The following AKT3 variants were observed in gnomAD, a reference collection of about 807,000 sequenced individuals.
The protein encoded by AKT3 is AKT serine/threonine kinase 3, also known as RAC-gamma serine/threonine-protein kinase.
A neutral mutation model predicts 65.3 loss-of-function variants in AKT3; 15 were observed. That is an observed-to-expected ratio of 0.23 (90% CI 0.15 to 0.35). The LOEUF (loss-of-function observed/expected upper bound fraction) is 0.35, where lower values mean the gene tolerates loss of function less well. AKT3 is among the 10% of genes least tolerant of loss of function. AKT3 has a pLI of 1.00. For missense variants in AKT3, 243 were observed against 576.5 expected (o/e 0.42, Z 5.92); for synonymous variants, 206 against 183.8 (o/e 1.12, Z -0.98).
intron 2 of AKT3, chr1:243,814,511 G>A (rs1441827688): frequency 6.6e-6 from 1 of 152,060 alleles, no homozygotes; most frequent in African/African-American, 2.4e-5. Flanking sequence ...ATGTTTAATA[G>A]AACACATATT....
At chr1:243,710,263 T>C (rs1358685244) in intron 2 of AKT3, among the ~76,000 whole-genome samples, 3 of 152,172 alleles carry the variant, frequency 2.0e-5, no homozygotes, top group Non-Finnish European at 2.9e-5. Flanking sequence ...ATATATTTCA[T>C]AGGCTATGGA....
chr1:243,671,640 G>A (rs1683163115), intron 3 of AKT3, among the ~76,000 whole-genome samples: 1 of 152,206 alleles, frequency 6.6e-6, no homozygotes, highest in Non-Finnish European at 1.5e-5. Flanking sequence ...TGAGGCAGGT[G>A]TCCTGGTAGA....
At chr1:243,766,326 G>A (rs1330972445) in intron 2 of AKT3, among the ~76,000 whole-genome samples, 2 of 152,174 alleles carry the variant, frequency 1.3e-5, no homozygotes, top group South Asian at 4.2e-4. Context: ...CCCAGGGGGA[G>A]AAAGAAAATA....
At chr1:243,783,511 G>T (rs1691043001) in intron 2 of AKT3, among the ~76,000 whole-genome samples, 1 of 152,096 alleles carries the variant, frequency 6.6e-6, no homozygotes, top group Admixed American at 6.6e-5. Flanking sequence ...AGGGAAAAAT[G>T]AGGAGTAAGA....
chr1:243,541,278 ACAAT>A (rs763397501), intron 12 of AKT3, among the ~76,000 whole-genome samples: 12 of 152,194 alleles, frequency 7.9e-5, no homozygotes, highest in Admixed American at 2.6e-4. Context: ...CTTTATTTAG[ACAAT>A]CAATCACTTA....
At chr1:243,597,247 C>G (rs773059040) in intron 8 of AKT3, among the ~76,000 whole-genome samples, 1 of 152,054 alleles carries the variant, frequency 6.6e-6, no homozygotes, top group Non-Finnish European at 1.5e-5. Flanking sequence ...TGAAAACAAC[C>G]TAAACGTTCA....
At chr1:243,846,071 C>T (rs1284351912) in intron 1 of AKT3, among the ~76,000 whole-genome samples, 1 of 152,106 alleles carries the variant, frequency 6.6e-6, no homozygotes, top group Non-Finnish European at 1.5e-5. Flanking sequence ...ATATAGATGG[C>T]ATCATAAGTG....
In AKT3 at chr1:243,517,597, A is replaced by G. The variant is rs372974457; in HGVS notation, c.1252-5171T>C. On this transcript the variant is annotated intron_variant, in intron 12 of 13. Transcript: ENST00000673466. ...TATTACTTGCTTTGAAATCTACTTC[A>G]TATGATTTAATATAGCACTCTAGTT... 3.6e-4 allele frequency among the ~76,000 whole-genome samples: 55 copies of G among 152,334 alleles called. 1 individual carries two copies. The highest frequency in any genetic ancestry group is 6.8e-3 in the Middle Eastern group (2 of 294).
intron 4 of AKT3, among the ~76,000 whole-genome samples, chr1:243,646,342 T>C (rs1372111223): frequency 6.6e-6 from 1 of 151,966 alleles, no homozygotes; most frequent in African/African-American, 2.4e-5. Flanking sequence ...TTTATTTGTC[T>C]GTACATATAT....
At chr1:243,551,025 G>A (rs547038523) in intron 11 of AKT3, among the ~76,000 whole-genome samples, 3 of 148,428 alleles carry the variant, frequency 2.0e-5, no homozygotes, top group African/African-American at 7.5e-5. Context: ...ACCTATCATC[G>A]GGTGCTGCTC....
At chr1:243,642,466 C>A (rs538600663) in intron 5 of AKT3, among the ~76,000 whole-genome samples, 1 of 152,134 alleles carries the variant, frequency 6.6e-6, no homozygotes, top group Non-Finnish European at 1.5e-5. Context: ...CCCGCCACCA[C>A]GCCTGGTTAA....
intron 2 of AKT3, among the ~76,000 whole-genome samples, chr1:243,716,661 AG>A (rs1686531180): frequency 6.6e-6 from 1 of 152,250 alleles, no homozygotes; most frequent in Admixed American, 6.5e-5. Flanking sequence ...TACCTAACAT[AG>A]AATTTTAAAT....
intron 3 of AKT3, among the ~76,000 whole-genome samples, chr1:243,692,235 C>A (rs1684738641): frequency 6.6e-6 from 1 of 152,090 alleles, no homozygotes; most frequent in African/African-American, 2.4e-5. Flanking sequence ...ATTTTTTGAC[C>A]TTCCCCTGAA....
intron 8 of AKT3, among the ~76,000 whole-genome samples, chr1:243,578,347 G>A (rs572803988): frequency 5.3e-5 from 8 of 152,250 alleles, no homozygotes; most frequent in Non-Finnish European, 1.0e-4. Context: ...GAAATACTAT[G>A]CGGCCATAAA....
rs1401783377 is a variant in AKT3, at chr1:243,501,116, C to G, written c.*4133G>C. 1 of 231,368 alleles carries G rather than the reference C, an allele frequency of 4.3e-6. No individual in the cohort carries two copies. Among genetic ancestry groups the G allele is most frequent in the Admixed American group, 5.6e-5 (1 of 17,714 alleles). The allele number at this position is 231,368 out of a possible 1,614,324, so 14.3% of individuals were successfully genotyped here. ...GTGACATACACATACATGCTTGACT[C>G]ACTCTGGTCCCAAAAGCCATTCCTC... On this transcript the variant is annotated 3_prime_UTR_variant, in exon 14 of 14. Coordinates refer to ENST00000673466, the MANE Select transcript of AKT3 (RefSeq NM_005465.7).
At chr1:243,772,295 C>CA (rs1412135210) in intron 2 of AKT3, among the ~76,000 whole-genome samples, 1 of 152,012 alleles carries the variant, frequency 6.6e-6, no homozygotes, top group Non-Finnish European at 1.5e-5. Flanking sequence ...ACTCATCTGA[C>CA]AAAGGGCTAA....
intron 3 of AKT3, among the ~76,000 whole-genome samples, chr1:243,693,241 T>C (rs1182380946): frequency 2.6e-5 from 1 of 38,262 alleles, no homozygotes; most frequent in African/African-American, 1.0e-4. Flanking sequence ...TAGCTACAAT[T>C]TGATATATAT....
chr1:243,830,351 T>C (rs1694425807), intron 2 of AKT3, among the ~76,000 whole-genome samples: 2 of 152,194 alleles, frequency 1.3e-5, no homozygotes, highest in African/African-American at 4.8e-5. Context: ...CAGGAAGTCC[T>C]GGAACCAACC....
At chr1:243,650,282 G>A (rs1681207028) in intron 4 of AKT3, among the ~76,000 whole-genome samples, 1 of 152,124 alleles carries the variant, frequency 6.6e-6, no homozygotes, top group African/African-American at 2.4e-5. Context: ...ATTTGTTTAA[G>A]TTCTTTGTAG....
Sources: allele counts gnomAD v4.1 joint callset (sites outside exome capture counted in the v4.1 genomes callset), GRCh38; gene constraint gnomAD v4.1.1; transcripts MANE v1.5; gene names NCBI Gene and HGNC (gene_info 2026-07-23, HGNC 2026-07-21).